The following GRIP1 variants were observed in gnomAD, a reference collection of about 807,000 sequenced individuals.
The protein encoded by GRIP1 is glutamate receptor interacting protein 1.
GRIP1 carries 45 observed loss-of-function variants against 129.9 expected under a neutral mutation model. That is an observed-to-expected ratio of 0.35 (90% CI 0.27 to 0.44). GRIP1 has a LOEUF of 0.44. Among genes scored for constraint, GRIP1 ranks in the 20% least tolerant of loss-of-function variants. GRIP1 has a pLI of 1.00. For missense variants in GRIP1, 1,196 were observed against 1,396.8 expected, an observed-to-expected ratio of 0.86 and a Z score of 2.29; for synonymous variants, 530 against 520.8, an observed-to-expected ratio of 1.02 and a Z score of -0.24.
In GRIP1 at chr12:66,715,493, A is replaced by T. The variant is rs1412752248; in HGVS notation, c.-419-85157T>A. 2.0e-3 allele frequency among the ~76,000 whole-genome samples: 250 copies of T among 127,434 alleles called. 1 individual carries two copies. Among genetic ancestry groups the T allele is most frequent in the African/African-American group, 7.0e-3 (242 of 34,410 alleles). The allele number at this position is 127,434 out of a possible 152,430, so 83.6% of individuals were successfully genotyped here. ...GTGTGAGAGAGAGAGAGAGAGAGAGAGAGAGAGAGAGAGAGAGAGAGAGAA... is the reference window on the plus strand; with the variant it reads ...GTGTGAGAGAGAGAGAGAGAGAGAGTGAGAGAGAGAGAGAGAGAGAGAGAA... On this transcript the variant is annotated intron_variant, in intron 1 of 4. Coordinates refer to the GRIP1 transcript ENST00000538373.
At chr12:66,651,655 C>G (rs1159046919) in intron 1 of GRIP1, among the ~76,000 whole-genome samples, 6 of 152,102 alleles carry the variant, frequency 3.9e-5, no homozygotes, top group Non-Finnish European at 7.4e-5. Context: ...AGGCCTATAA[C>G]TGTTTACCGG....
intron 5 of GRIP1, among the ~76,000 whole-genome samples, chr12:66,525,224 C>CAA (rs1482500049): frequency 7.4e-4 from 112 of 152,172 alleles, no homozygotes; most frequent in African/African-American, 2.6e-3. Context: ...AGAGACACAA[C>CAA]CAAAAAAGAG....
At chr12:66,877,290 T>C (rs901725862) in intron 1 of GRIP1, among the ~76,000 whole-genome samples, 5 of 152,108 alleles carry the variant, frequency 3.3e-5, no homozygotes, top group African/African-American at 1.2e-4. Context: ...GACATATGTA[T>C]ATTTTTATAT....
At chr12:67,035,432 T>TA (rs2043081205) in intron 1 of GRIP1, 2 of 152,242 alleles carry the variant, frequency 1.3e-5, no homozygotes, top group Non-Finnish European at 2.9e-5. Flanking sequence ...GCTGTTTACT[T>TA]AGACATTTGT....
intron 1 of GRIP1, among the ~76,000 whole-genome samples, chr12:66,648,167 G>C (rs781689337): frequency 6.7e-6 from 1 of 149,280 alleles, no homozygotes; most frequent in Non-Finnish European, 1.5e-5. Context: ...AGCAACTTAA[G>C]GGGCACCATC....
upstream of GRIP1, among the ~76,000 whole-genome samples, chr12:66,683,758 T>C (rs1207706951): frequency 1.3e-5 from 2 of 152,166 alleles, no homozygotes; most frequent in Non-Finnish European, 2.9e-5. Context: ...AAAGCTCCTG[T>C]GAAGGTAACA....
intron 2 of GRIP1, among the ~76,000 whole-genome samples, chr12:66,559,745 C>T (rs1050057771): frequency 5.3e-5 from 8 of 152,004 alleles, no homozygotes; most frequent in East Asian, 1.9e-4. Context: ...TGTCATACTA[C>T]GGAAAGCAAT....
At chr12:66,878,122 G>C (rs189085366) in intron 1 of GRIP1, among the ~76,000 whole-genome samples, 164 of 152,100 alleles carry the variant, frequency 1.1e-3, no homozygotes, top group Non-Finnish European at 1.8e-3. Context: ...ATTAAACAAA[G>C]ACAGACTGAG....
chr12:66,421,368 A>G (rs2057796463), intron 14 of GRIP1, among the ~76,000 whole-genome samples: 1 of 152,104 alleles, frequency 6.6e-6, no homozygotes, highest in Non-Finnish European at 1.5e-5. Flanking sequence ...ACATGGTGAA[A>G]CCCCACCTCT....
chr12:66,537,253 A>G (rs1443470418), intron 4 of GRIP1, among the ~76,000 whole-genome samples: 3 of 152,168 alleles, frequency 2.0e-5, no homozygotes, highest in African/African-American at 7.2e-5. Context: ...TAAGACATAG[A>G]AAGTGTAAGT....
At chr12:67,063,527 A>C (rs2043570613) in intron 1 of GRIP1, among the ~76,000 whole-genome samples, 1 of 152,206 alleles carries the variant, frequency 6.6e-6, no homozygotes. Flanking sequence ...CTTTAATAAA[A>C]GATAAAACAA....
intron 1 of GRIP1, among the ~76,000 whole-genome samples, chr12:66,623,944 A>G (rs930944113): frequency 6.6e-6 from 1 of 152,174 alleles, no homozygotes; most frequent in Admixed American, 6.6e-5. Context: ...AATAAAACCA[A>G]TCTTCAGCTA....
intron 1 of GRIP1, among the ~76,000 whole-genome samples, chr12:66,850,660 C>A (rs372506046): frequency 6.6e-6 from 1 of 152,010 alleles, no homozygotes; most frequent in South Asian, 2.1e-4. Flanking sequence ...TACACTCCTA[C>A]AAGGGGCACT....
At chr12:66,419,446 A>T (rs78485248) in intron 15 of GRIP1, among the ~76,000 whole-genome samples, 1 of 152,152 alleles carries the variant, frequency 6.6e-6, no homozygotes, top group Admixed American at 6.5e-5. Flanking sequence ...TAACTAAAAA[A>T]GTATAATTGG....
At chr12:66,553,253 T>A (rs2062203135) in intron 2 of GRIP1, among the ~76,000 whole-genome samples, 1 of 152,168 alleles carries the variant, frequency 6.6e-6, no homozygotes, top group African/African-American at 2.4e-5. Flanking sequence ...TGTAACACTA[T>A]CTTACCCAAG....
At chr12:66,664,372 CATAATT>C (rs1251815957) in intron 1 of GRIP1, among the ~76,000 whole-genome samples, 1 of 152,116 alleles carries the variant, frequency 6.6e-6, no homozygotes, top group Non-Finnish European at 1.5e-5. Context: ...TTTGCCACAC[CATAATT>C]ATAGTCTCTA....
chr12:66,998,690 T>A (rs2042505362), intron 1 of GRIP1, among the ~76,000 whole-genome samples: 1 of 152,166 alleles, frequency 6.6e-6, no homozygotes, highest in Admixed American at 6.6e-5. Context: ...TCTATCTGCA[T>A]CAGATCAGGC....
intron 1 of GRIP1, among the ~76,000 whole-genome samples, chr12:67,022,285 G>A (rs144251722): frequency 4.6e-5 from 7 of 152,284 alleles, no homozygotes; most frequent in African/African-American, 1.7e-4. Flanking sequence ...TAGTGGCTGT[G>A]CAAGTTTACA....
At position 66,988,152 on chromosome 12, in the gene GRIP1, A is replaced by G. The variant is rs953679750; in HGVS notation, c.58+80898T>C. Among the ~76,000 whole-genome samples the G allele has an allele frequency of 2.0e-5, 3 of 152,222 alleles. No homozygotes were observed. In the East Asian group the frequency reaches 5.8e-4, roughly 29 times the overall value. ...AAGTAATTAAGAAAGGACTCCAAAC[A>G]ATAATCTTTCTTGATAGTGTGAAAT... On this transcript the variant is annotated intron_variant, in intron 1 of 1. Coordinates refer to the GRIP1 transcript ENST00000643019.
Sources: gnomAD v4.1 joint callset for allele counts (sites outside exome capture counted in the v4.1 genomes callset) on GRCh38, gnomAD v4.1.1 for gene constraint, MANE v1.5 for transcripts, NCBI Gene and HGNC (gene_info 2026-07-23, HGNC 2026-07-21) for gene names.